Variants in PTPRU observed in about 807,000 individuals in gnomAD.
The protein encoded by PTPRU is receptor-type tyrosine-protein phosphatase U.
In PTPRU, 69 loss-of-function variants were observed where a neutral mutation model predicts 166.3. The ratio of observed to expected loss-of-function variants is 0.41; its 90% CI spans 0.34 to 0.51. The LOEUF (loss-of-function observed/expected upper bound fraction) is 0.51, where lower values mean the gene tolerates loss of function less well. PTPRU is among the 20% of genes least tolerant of loss of function. The pLI is 0.09. For missense variants in PTPRU, 1,657 were observed against 2,013.7 expected (o/e 0.82, Z 3.39); for synonymous variants, 793 against 814.0 (o/e 0.97, Z 0.44).
chr1:29,236,605 C>T lies in PTPRU; in HGVS notation c.-40C>T, dbSNP rs1161045000. 36 of 1,214,630 alleles carry T rather than the reference C, an allele frequency of 3.0e-5. No homozygotes were observed. The Admixed American group carries it at 1.1e-3, about 38-fold the overall frequency. 75.2% of individuals were successfully genotyped at this position (1,214,630 alleles called of 1,614,324 possible). A position where few individuals can be genotyped will look rare whatever the true frequency, so the allele number is the denominator to read the frequency against. ...GGGCTCGGGCTCCGGGGGCGGCGTC[C>T]CCCGCGCCGGGCCCCGGGACGGGCG... On this transcript the variant is annotated 5_prime_UTR_variant, in exon 1 of 30. Transcript: ENST00000373779. This position sits in a 1 kb window ranked among gnomAD's most constrained non-coding sequence, Gnocchi z 4.6.
In PTPRU at chr1:29,284,816, G is replaced by A. The variant is rs1686267105; in HGVS notation, c.2265G>A (p.Gly755=). 3 of 1,613,578 alleles carry A rather than the reference G, an allele frequency of 1.9e-6. No individual in the cohort carries two copies. The highest frequency in any genetic ancestry group is 2.2e-5 in the South Asian group (2 of 91,044). The change falls in exon 14 of 30, where the codon GGG becomes GGA. Residue 755 remains glycine (G), a synonymous_variant. Transcript: ENST00000373779. The stretch of plus-strand genomic sequence containing the variant: ...TTATCCTGGGCATCTGTGCAGGGGG[G>A]CTTGCTGTCCTCATCCTTCTCCTGG... ...MGLILGICAG[G]LAVLILLLGA... is the part of the protein sequence containing the mutation.
Position 29,323,771 on chromosome 1 carries a change from C to G in PTPRU, c.4095C>G (p.Arg1365=). Residue 1365 remains arginine (R), a synonymous_variant, in exon 28 of 30, where the codon CGC becomes CGG. Transcript: ENST00000373779. The stretch of plus-strand genomic sequence containing the variant: ...GGCAGGCCGAGAGTGGGGATGGGCG[C>G]ACCATCGTGCACTGCCTGTGAGTAC... ...DKWQAESGDG[R]TIVHCLNGGG... 6.2e-7 allele frequency: 1 copy of G among 1,614,070 alleles called. No homozygotes were observed. The highest frequency in any genetic ancestry group is 8.5e-7 in the Non-Finnish European group (1 of 1,179,980).
intron 18 of PTPRU, among the ~76,000 whole-genome samples, chr1:29,308,826 A>G (rs1429887524): frequency 6.6e-6 from 1 of 151,946 alleles, no homozygotes; most frequent in Non-Finnish European, 1.5e-5. Context: ...GAGTTAGACC[A>G]GCCTGGGTAA....
rs1180732238 is a variant in PTPRU at position 29,316,157 on chromosome 1, G to C, written c.3513+6G>C. 1 of 1,613,152 alleles carries C rather than the reference G, an allele frequency of 6.2e-7. No individual in the cohort carries two copies. The highest frequency in any genetic ancestry group is 2.2e-5 in the East Asian group (1 of 44,870). On this transcript the variant is annotated splice_donor_region_variant and intron_variant, in intron 24 of 29. Transcript: ENST00000373779. ...AGCTGCGGGAAGAGTTCCAGGTGGG[G>C]GATGAGTGCGTGTGTATAGGTGTGT...
chr1:29,287,739 C>T (rs1022349736), intron 14 of PTPRU, among the ~76,000 whole-genome samples: 1 of 151,992 alleles, frequency 6.6e-6, no homozygotes, highest in Admixed American at 6.6e-5. Flanking sequence ...GGACTACAGG[C>T]GCCCACCACC....
chr1:29,289,550 A>G, intron 14 of PTPRU: 1 of 1,015,672 alleles, frequency 9.8e-7, no homozygotes, highest in Non-Finnish European at 1.5e-6. Flanking sequence ...TGACCTGTTC[A>G]GTCCCTGGCC....
At position 29,259,283 on chromosome 1, in the gene PTPRU, C is replaced by A; in HGVS notation, c.500C>A (p.Ser167Tyr). The A allele has an allele frequency of 6.2e-7, 1 of 1,614,034 alleles. No homozygotes were observed. ...CAGGTGCTGTTTGAGGCCCTCATCT[C>A]CCCAGACCGCAGGGGCTACATGGGC... ...EYQVLFEALI[S>Y]PDRRGYMGLD... Residue 167 changes from serine (S) to tyrosine (Y), a missense_variant, in exon 4 of 30, where the codon TCC becomes TAC. Ser to Tyr is a moderately radical substitution (Grantham distance 144, BLOSUM62 -2). This residue lies in a region of PTPRU where 453 missense variants were observed against 496.9 expected (regional missense o/e 0.91). Transcript: ENST00000373779.
At chr1:29,246,317 T>G (rs1048225968) in intron 1 of PTPRU, among the ~76,000 whole-genome samples, 1 of 152,270 alleles carries the variant, frequency 6.6e-6, no homozygotes, top group Admixed American at 6.5e-5. Flanking sequence ...AGGTTTTTGT[T>G]GTCAGCCCTA....
chr1:29,260,635 A>G lies in PTPRU; in HGVS notation c.876A>G (p.Pro292=). 1 of 1,493,952 alleles carries G rather than the reference A, an allele frequency of 6.7e-7. No homozygotes were observed. Among genetic ancestry groups the G allele is most frequent in the Non-Finnish European group, 8.9e-7 (1 of 1,118,652 alleles). 92.5% of individuals were successfully genotyped at this position (1,493,952 alleles called of 1,614,324 possible). A position where few individuals can be genotyped will look rare whatever the true frequency, so the allele number is the denominator to read the frequency against. The change falls in exon 7 of 30, where the codon CCA becomes CCG. Residue 292 remains proline (P), a synonymous_variant. Transcript: ENST00000373779. The surrounding 1 kb of genome is among the most constrained non-coding windows in gnomAD (Gnocchi z 8.3). The part of the protein sequence containing the change: ...VKEPPTPIAP[P]QLLRAGPTYL... The stretch of plus-strand genomic sequence containing the variant: ...AGCCCCCAACTCCCATCGCGCCCCC[A>G]CAGCTGCTGCGTGCTGGCCCCACCT...
At chr1:29,259,188 G>A (rs897763286) in intron 3 of PTPRU, 73 bp from the exon 4 acceptor site, 5 of 1,473,800 alleles carry the variant, frequency 3.4e-6, no homozygotes, top group Non-Finnish European at 4.7e-6. Context: ...CTGAGGCCGA[G>A]CTGAAAGTGG....
chr1:29,291,522 G>A lies in PTPRU; in HGVS notation c.2319-347G>A, dbSNP rs915577213. 7.9e-5 allele frequency among the ~76,000 whole-genome samples: 12 copies of A among 152,116 alleles called. No homozygotes were observed. Among genetic ancestry groups the A allele is most frequent in the Admixed American group, 7.9e-4 (12 of 15,280 alleles). ...TGCAGTGGGGGTGAGGGGGCTGTCT[G>A]CTGTGACACCAAATTAGCCCTGGAG... is the stretch of plus-strand genomic sequence containing the variant. On this transcript the variant is annotated intron_variant, in intron 14 of 29. Coordinates refer to ENST00000373779, the MANE Select transcript of PTPRU (RefSeq NM_133178.4). The surrounding 1 kb of genome is among the most constrained non-coding windows in gnomAD (Gnocchi z 4.1).
intron 7 of PTPRU, among the ~76,000 whole-genome samples, chr1:29,274,740 G>A (rs1685717842): frequency 6.6e-6 from 1 of 152,088 alleles, no homozygotes; most frequent in South Asian, 2.1e-4. Flanking sequence ...GAATTAGGAG[G>A]TGAACTGTGC....
chr1:29,316,905 G>T (rs1188048762), intron 24 of PTPRU, among the ~76,000 whole-genome samples: 1 of 152,134 alleles, frequency 6.6e-6, no homozygotes, highest in East Asian at 1.9e-4. Flanking sequence ...CATATCACAT[G>T]GCTGAGATGG....
In PTPRU at chr1:29,282,207, T is replaced by G. The variant is rs578212618; in HGVS notation, c.1869-469T>G. On this transcript the variant is annotated intron_variant, in intron 11 of 29. Coordinates refer to ENST00000373779, the MANE Select transcript of PTPRU (RefSeq NM_133178.4). ...TCATAGTCTGAGCTCAGTCATCTCT[T>G]TCTGAATGAATGAATGAATGAATGA... is the stretch of plus-strand genomic sequence containing the variant. Among the ~76,000 whole-genome samples, 48 of 152,234 alleles carry G rather than the reference T, an allele frequency of 3.2e-4. 1 individual carries two copies. In the East Asian group the frequency reaches 6.6e-3, roughly 21 times the overall value.
At chr1:29,310,694 G>C in intron 18 of PTPRU, 50 bp from the exon 19 acceptor site, 1 of 1,573,466 alleles carries the variant, frequency 6.4e-7, no homozygotes, top group East Asian at 2.2e-5. Context: ...GTGTGGGGGA[G>C]TGAGGGGCTA....
At position 29,323,655 on chromosome 1, in the gene PTPRU, C is replaced by T. The variant is rs996914255; in HGVS notation, c.3979C>T (p.Arg1327Trp). 12 of 1,613,882 alleles carry T rather than the reference C, an allele frequency of 7.4e-6. No homozygotes were observed. Among genetic ancestry groups the T allele is most frequent in the African/African-American group, 1.3e-5 (1 of 74,890 alleles). The change falls in exon 28 of 30, where the codon CGG (arginine) becomes TGG (tryptophan). Residue 1327 changes from arginine to tryptophan, a missense_variant. This residue lies in a region of PTPRU where 1,190 missense variants were observed against 1,477.4 expected (regional missense o/e 0.81). Transcript: ENST00000373779. Reference protein sequence around the residue: ...SRLQEGHLLVRHFQFLRWSAY... With the variant: ...SRLQEGHLLVWHFQFLRWSAY... ...GTTGCAGGAGGGGCACCTGCTGGTG[C>T]GGCACTTCCAGTTCCTGCGCTGGTC...
In PTPRU at chr1:29,323,424, G is replaced by C; in HGVS notation, c.3882G>C (p.Glu1294Asp). The change falls in exon 27 of 30, where the codon GAG becomes GAC. Residue 1294 changes from glutamate (E) to aspartate (D), a missense_variant. Coordinates refer to ENST00000373779, the MANE Select transcript of PTPRU (RefSeq NM_133178.4). ...GCCGGCAGCAATATGGCCTCATGGA[G>C]GTGGAGTTTATGTCGGGCACAGCTG... is the stretch of plus-strand genomic sequence containing the variant. ...EPGRQQYGLMEVEFMSGTADE... is the reference protein window; with the variant it reads ...EPGRQQYGLMDVEFMSGTADE... 1 of 1,610,632 alleles carries C rather than the reference G, an allele frequency of 6.2e-7. No homozygotes were observed.
Position 29,325,193 on chromosome 1 carries a change from A to G in PTPRU, c.4115A>G (p.Asn1372Ser), listed in dbSNP as rs771572984. The G allele has an allele frequency of 1.2e-6, 2 of 1,614,110 alleles. No individual in the cohort carries two copies. Among genetic ancestry groups the G allele is most frequent in the Non-Finnish European group, 8.5e-7 (1 of 1,180,012 alleles). ...GDGRTIVHCL[N>S]GGGRSGTFCA... Reference sequence around the variant, plus strand: ...CAGCTTTTGCATCTCTCATTCAGAAACGGGGGAGGACGCAGCGGCACCTTC... The same window carrying G: ...CAGCTTTTGCATCTCTCATTCAGAAGCGGGGGAGGACGCAGCGGCACCTTC... Residue 1372 changes from asparagine to serine, a missense_variant and splice_region_variant, in exon 29 of 30, where the codon AAC becomes AGC. Physicochemically the swap from Asn to Ser is conservative, Grantham distance 46 (BLOSUM62 1). This residue lies in a region of PTPRU where 1,190 missense variants were observed against 1,477.4 expected (regional missense o/e 0.81). Coordinates refer to ENST00000373779, the MANE Select transcript of PTPRU (RefSeq NM_133178.4).
intron 1 of PTPRU, among the ~76,000 whole-genome samples, chr1:29,240,924 C>A (rs893164495): frequency 6.6e-6 from 1 of 152,062 alleles, no homozygotes; most frequent in Non-Finnish European, 1.5e-5. Flanking sequence ...GCTTGTGCAC[C>A]GGAGGGAAGG....
Sources: allele counts gnomAD v4.1 joint callset (sites outside exome capture counted in the v4.1 genomes callset), GRCh38; gene constraint gnomAD v4.1.1; regional missense constraint gnomAD v4.1.1; non-coding constraint Gnocchi (gnomAD v3.1); transcripts MANE v1.5; gene names NCBI Gene and HGNC (gene_info 2026-07-23, HGNC 2026-07-21).